The following DYNLRB2 variants were observed in gnomAD, a reference collection of about 807,000 sequenced individuals.
The protein encoded by DYNLRB2 is bithoraxoid-like protein.
A neutral mutation model predicts 12.6 loss-of-function variants in DYNLRB2; 14 were observed. The observed-to-expected ratio is 1.11, with a 90% CI of 0.73 to 1.73. The LOEUF is 1.73. DYNLRB2 is among the 40% of genes most tolerant of loss of function. DYNLRB2 has a pLI of 0.00. For missense variants in DYNLRB2, 142 were observed against 117.7 expected (o/e 1.21, Z -0.95); for synonymous variants, 53 against 37.0 (o/e 1.43, Z -1.57).
chr16:80,550,336 C>T (rs540703604), intron 3 of DYNLRB2, among the ~76,000 whole-genome samples, 179 bp from the exon 4 acceptor site: 2 of 152,244 alleles, frequency 1.3e-5, no homozygotes, highest in Admixed American at 1.3e-4. Context: ...ATCTCTGAGG[C>T]CCTAGGAAAT....
At position 80,545,376 on chromosome 16, in the gene DYNLRB2, A is replaced by G. The variant is rs186892216; in HGVS notation, c.79+2025A>G. On this transcript the variant is annotated intron_variant, in intron 2 of 3. Coordinates refer to ENST00000305904, the MANE Select transcript of DYNLRB2 (RefSeq NM_130897.3). ...AAGTAACTAATTTTACTTGATGAAC[A>G]TTACTCTATTTAAAAGGTTGAAGAC... Among the ~76,000 whole-genome samples the G allele has an allele frequency of 2.8e-3, 424 of 152,256 alleles. 3 individuals are homozygous for G. The highest frequency in any genetic ancestry group is 9.2e-3 in the African/African-American group (383 of 41,562).
chr16:80,540,880 G>T, upstream of DYNLRB2: 1 of 949,666 alleles, frequency 1.1e-6, no homozygotes, highest in Non-Finnish European at 1.7e-6. Context: ...CCTCTTCCGC[G>T]AACCTTCGCC....
chr16:80,541,262 C>T (rs539469878), intron 1 of DYNLRB2, 183 bp downstream of exon 1: 1 of 950,322 alleles, frequency 1.1e-6, no homozygotes, highest in East Asian at 1.2e-4. Context: ...AAGAAGATGT[C>T]TAGATGACTG....
At chr16:80,545,496 T>G (rs887479292) in intron 2 of DYNLRB2, among the ~76,000 whole-genome samples, 3 of 151,958 alleles carry the variant, frequency 2.0e-5, no homozygotes, top group African/African-American at 7.3e-5. Flanking sequence ...TATGGCCAGG[T>G]GCACACATAC....
rs535309988 is a variant in DYNLRB2, at chr16:80,541,200, G to C, written c.3+121G>C. 7 of 1,455,952 alleles carry C rather than the reference G, an allele frequency of 4.8e-6. No homozygotes were observed. In the Admixed American group the frequency reaches 8.1e-5, roughly 17 times the overall value. 90.2% of individuals were successfully genotyped at this position (1,455,952 alleles called of 1,614,324 possible). A position where few individuals can be genotyped will look rare whatever the true frequency, so the allele number is the denominator to read the frequency against. On this transcript the variant is annotated intron_variant, in intron 1 of 3. Coordinates refer to ENST00000305904, the MANE Select transcript of DYNLRB2 (RefSeq NM_130897.3). ...CGGTCCAGGGGCCGCGGCGGAGGCT[G>C]GTGGCTCCAGGATCTTCCTGGAGGG...
chr16:80,541,049 C>T lies in DYNLRB2; in HGVS notation c.-28C>T, dbSNP rs1036101047. 3.1e-6 allele frequency: 5 copies of T among 1,607,354 alleles called. No individual in the cohort carries two copies. The highest frequency in any genetic ancestry group is 2.6e-6 in the Non-Finnish European group (3 of 1,176,232). On this transcript the variant is annotated 5_prime_UTR_variant, in exon 1 of 4. Transcript: ENST00000305904. ...CATCCCGGGAGGCTGTGCCGCCGGC[C>T]TGAGCCCAGAGTTTCGCGGCCTCCG...
rs1597088744 is a variant in DYNLRB2, at chr16:80,543,347, A to G, written c.75A>G (p.Ala25=). ...TTATTGGAACTATGGTTGTAAATGCAGAAGGTAAATATATCACAGGCTGTC... is the reference window on the plus strand; with the variant it reads ...TTATTGGAACTATGGTTGTAAATGCGGAAGGTAAATATATCACAGGCTGTC... ...KGVIGTMVVN[A]EGIPIRTTLD... is the part of the protein sequence containing the mutation. Residue 25 remains alanine (A), a synonymous_variant, in exon 2 of 4, where the codon GCA becomes GCG. Transcript: ENST00000305904. 4 of 1,613,998 alleles carry G rather than the reference A, an allele frequency of 2.5e-6. No individual in the cohort carries two copies. The East Asian group carries it at 8.9e-5, about 36-fold the overall frequency.
chr16:80,544,430 C>G (rs1047731888), intron 2 of DYNLRB2, among the ~76,000 whole-genome samples: 3 of 152,194 alleles, frequency 2.0e-5, no homozygotes, highest in Admixed American at 6.5e-5. Context: ...AATTTTCGAG[C>G]TTGAATAATC....
At chr16:80,540,862 C>T (rs2142301918), upstream of DYNLRB2, 2 of 814,310 alleles carry the variant, frequency 2.5e-6, no homozygotes, top group Non-Finnish European at 4.2e-6. Context: ...CAGGTGAGCG[C>T]CTGCTCCCCT....
chr16:80,549,360 G>A, intron 2 of DYNLRB2, 124 bp from the exon 3 acceptor site: 2 of 968,216 alleles, frequency 2.1e-6, no homozygotes, highest in Non-Finnish European at 2.9e-6. Context: ...ATTGTTACCA[G>A]AGAGGGATAA....
At chr16:80,541,530 G>A (rs1904288086) in intron 1 of DYNLRB2, 1 of 418,658 alleles carries the variant, frequency 2.4e-6, no homozygotes, top group Admixed American at 6.5e-5. Context: ...AAAGAAGAAA[G>A]GGAAATAAAG....
intron 1 of DYNLRB2, among the ~76,000 whole-genome samples, chr16:80,542,353 C>T (rs998363743): frequency 1.3e-5 from 2 of 152,038 alleles, no homozygotes; most frequent in African/African-American, 4.8e-5. Context: ...TACACAAATG[C>T]CTAAAGTCAA....
chr16:80,546,379 C>T (rs1904468645), intron 2 of DYNLRB2, among the ~76,000 whole-genome samples: 1 of 152,176 alleles, frequency 6.6e-6, no homozygotes, highest in Non-Finnish European at 1.5e-5. Flanking sequence ...TCTGCTAAAT[C>T]AAGGCAAATC....
intron 2 of DYNLRB2, among the ~76,000 whole-genome samples, chr16:80,548,678 T>A (rs909681848): frequency 2.7e-4 from 40 of 146,860 alleles, no homozygotes; most frequent in African/African-American, 9.5e-4. Flanking sequence ...GCCAAGATCA[T>A]GCCGTCGCAC....
chr16:80,542,251 AT>A (rs1012233527), intron 1 of DYNLRB2, among the ~76,000 whole-genome samples: 1 of 152,318 alleles, frequency 6.6e-6, no homozygotes, highest in African/African-American at 2.4e-5. Context: ...CTTAAAATGC[AT>A]TTATTTAAGC....
chr16:80,546,520 T>G (rs1191051109), intron 2 of DYNLRB2, among the ~76,000 whole-genome samples: 2 of 152,230 alleles, frequency 1.3e-5, no homozygotes, highest in African/African-American at 4.8e-5. Flanking sequence ...GACTTCCTAT[T>G]GATGACCGTA....
chr16:80,546,547 T>A (rs1029000174), intron 2 of DYNLRB2, among the ~76,000 whole-genome samples: 1 of 152,238 alleles, frequency 6.6e-6, no homozygotes, highest in African/African-American at 2.4e-5. Context: ...TCTTCCCAAT[T>A]TAGCCCAATG....
chr16:80,549,513 TCAA>T lies in DYNLRB2; in HGVS notation c.114_116del (p.Thr39del). The T allele has an allele frequency of 6.2e-7, 1 of 1,612,272 alleles. No homozygotes were observed. The highest frequency in any genetic ancestry group is 1.3e-5 in the African/African-American group (1 of 75,038). On this transcript the variant is annotated inframe_deletion, in exon 3 of 4. Transcript: ENST00000305904. ...TCCCATCCGAACAACCTTGGACAAC[TCAA>T]CAACTGTTCAATATGCAGGCCTTCT...
rs559483750 is a variant in DYNLRB2, at chr16:80,550,562, T to G, written c.*4T>G. 1.9e-6 allele frequency: 3 copies of G among 1,613,408 alleles called. No individual in the cohort carries two copies. Among genetic ancestry groups the G allele is most frequent in the Non-Finnish European group, 8.5e-7 (1 of 1,180,022 alleles). On this transcript the variant is annotated 3_prime_UTR_variant, in exon 4 of 4. Transcript: ENST00000305904. ...CATTCAGAATCCATGTGAATAGACC[T>G]GCGATGGCCAAGGCTGTTTAAGCGA... is the stretch of plus-strand genomic sequence containing the variant.
Sources: allele counts gnomAD v4.1 joint callset (sites outside exome capture counted in the v4.1 genomes callset), GRCh38; gene constraint gnomAD v4.1.1; transcripts MANE v1.5; gene names NCBI Gene and HGNC (gene_info 2026-07-23, HGNC 2026-07-21).